FOXP1: variants seen among roughly 807,000 people sequenced by gnomAD.
FOXP1 encodes the protein forkhead box P1, also known as forkhead box protein P1.
Under a neutral mutation model 98.2 loss-of-function variants are expected in FOXP1, and 15 were observed. That is an observed-to-expected ratio of 0.15 (90% CI 0.10 to 0.24). The LOEUF (loss-of-function observed/expected upper bound fraction) is 0.24. Ranked by LOEUF, FOXP1 falls within the 10% of genes least tolerant of loss-of-function variation. The probability of loss-of-function intolerance (pLI) is 1.00; values close to 1 mark genes in which losing one functional copy is unlikely to be tolerated. For missense variants in FOXP1, 633 were observed against 848.5 expected (o/e 0.75, Z 3.15); for synonymous variants, 371 against 314.5 (o/e 1.18, Z -1.90).
At chr3:71,371,606 C>G (rs2079318499) in intron 3 of FOXP1, among the ~76,000 whole-genome samples, 2 of 152,130 alleles carry the variant, frequency 1.3e-5, no homozygotes, top group African/African-American at 4.8e-5. Flanking sequence ...GGCAACACGG[C>G]AAGATTCCAT....
intron 5 of FOXP1, among the ~76,000 whole-genome samples, chr3:71,223,693 CAAAAAAAAAAAA>C (rs34686001): frequency 1.1e-5 from 1 of 90,122 alleles, no homozygotes; most frequent in Non-Finnish European, 2.6e-5. Context: ...GACTACGTCT[CAAAAAAAAAAAA>C]AAAAAAAGAA....
intron 3 of FOXP1, among the ~76,000 whole-genome samples, chr3:71,481,142 T>C (rs2090246206): frequency 6.6e-6 from 1 of 152,196 alleles, no homozygotes; most frequent in Non-Finnish European, 1.5e-5. Flanking sequence ...CCAAATATTT[T>C]GCTTAGGACA....
chr3:71,189,652 C>G (rs1326192879), intron 6 of FOXP1, among the ~76,000 whole-genome samples: 3 of 152,204 alleles, frequency 2.0e-5, no homozygotes, highest in Non-Finnish European at 2.9e-5. Flanking sequence ...CCTGACTCAT[C>G]ATTGGTAACT....
At chr3:71,395,539 A>T (rs1472369172) in intron 3 of FOXP1, among the ~76,000 whole-genome samples, 1 of 151,684 alleles carries the variant, frequency 6.6e-6, no homozygotes, top group Non-Finnish European at 1.5e-5. Flanking sequence ...TACCTCATCT[A>T]AACTGGCCCA....
At chr3:71,242,068 G>A (rs1280322324) in intron 5 of FOXP1, among the ~76,000 whole-genome samples, 1 of 152,166 alleles carries the variant, frequency 6.6e-6, no homozygotes, top group Non-Finnish European at 1.5e-5. Flanking sequence ...CTTATATTTA[G>A]ACACCTTCCC....
Position 70,966,032 on chromosome 3 carries a change from G to A in FOXP1, c.1747C>T (p.Pro583Ser), listed in dbSNP as rs1423437984. The A allele has an allele frequency of 2.5e-6, 4 of 1,613,944 alleles. No individual in the cohort carries two copies. Among genetic ancestry groups the A allele is most frequent in the Non-Finnish European group, 3.4e-6 (4 of 1,179,984 alleles). ...LQASMAENSIPLYTTASMGNP... is the reference protein window; with the variant it reads ...LQASMAENSISLYTTASMGNP... ...CCCATGGAAGCGGTAGTGTATAGAG[G>A]TATACTATTCTCAGCCATTGAAGCC... Residue 583 changes from proline to serine, a missense_variant, in exon 20 of 21, where the codon CCT (proline) becomes TCT (serine). Physicochemically the swap from Pro to Ser is moderately conservative, Grantham distance 74 (BLOSUM62 -1). Coordinates refer to ENST00000649528, the MANE Select transcript of FOXP1 (RefSeq NM_001349338.3).
At chr3:71,583,426 GT>G (rs61675522) in intron 1 of FOXP1, 144 bp downstream of exon 1, 8,990 of 713,846 alleles carry the variant, frequency 0.013, 19 homozygotes, top group Non-Finnish European at 0.014. Context: ...GAAAGTAGTT[GT>G]TTTTTTTTTT....
intron 4 of FOXP1, among the ~76,000 whole-genome samples, chr3:71,357,782 G>A (rs1299372220): frequency 6.6e-6 from 1 of 152,196 alleles, no homozygotes; most frequent in Non-Finnish European, 1.5e-5. Context: ...GAACGCACTT[G>A]AATAAGCAGA....
chr3:71,583,803 C>CCGGTGGCGG, upstream of FOXP1: 1 of 987,126 alleles, frequency 1.0e-6, no homozygotes, highest in Non-Finnish European at 1.2e-6. Context: ...CCAGCCAGCG[C>CCGGTGGCGG]CGGTGGCGGC....
chr3:71,134,686 G>A (rs2107950680), intron 6 of FOXP1, among the ~76,000 whole-genome samples: 1 of 152,256 alleles, frequency 6.6e-6, no homozygotes, highest in East Asian at 1.9e-4. Flanking sequence ...CATACAGCTG[G>A]GAGTATTGTC....
intron 4 of FOXP1, among the ~76,000 whole-genome samples, chr3:71,319,639 A>G (rs4677601): frequency 0.43 from 65,526 of 151,976 alleles, 16,912 homozygotes; most frequent in East Asian, 0.89. Context: ...AACATCCTGC[A>G]GCCCACACCA....
intron 4 of FOXP1, among the ~76,000 whole-genome samples, chr3:71,329,308 G>C (rs1360176559): frequency 6.6e-6 from 1 of 151,520 alleles, no homozygotes; most frequent in East Asian, 1.9e-4. Context: ...TGCAAGCTCC[G>C]CCTCCTGGGT....
chr3:71,498,882 C>T (rs1162044253), intron 2 of FOXP1, among the ~76,000 whole-genome samples: 1 of 152,178 alleles, frequency 6.6e-6, no homozygotes, highest in Non-Finnish European at 1.5e-5. Context: ...ATCCGGGCAC[C>T]ATCCTTTGAG....
At chr3:71,109,511 C>T (rs2057733337) in intron 7 of FOXP1, among the ~76,000 whole-genome samples, 1 of 151,576 alleles carries the variant, frequency 6.6e-6, no homozygotes. Flanking sequence ...CTGAAATTTG[C>T]TAAAATCGGT....
At chr3:71,197,433 C>A (rs1457236065) in intron 6 of FOXP1, among the ~76,000 whole-genome samples, 2 of 152,140 alleles carry the variant, frequency 1.3e-5, no homozygotes, top group African/African-American at 4.8e-5. Flanking sequence ...GACAACAGAA[C>A]ACTATTTCTT....
At position 71,304,292 on chromosome 3, in the gene FOXP1, C is replaced by G. The variant is rs544235210; in HGVS notation, c.-72-4412G>C. ...TCCTGCCTTACAGAAAAGGAAAACC[C>G]TGGCCGTGGTCATGTGAAAATATTT... On this transcript the variant is annotated intron_variant, in intron 4 of 20. Coordinates refer to ENST00000649528, the MANE Select transcript of FOXP1 (RefSeq NM_001349338.3). Among the ~76,000 whole-genome samples, 10 of 152,294 alleles carry G rather than the reference C, an allele frequency of 6.6e-5. No individual in the cohort carries two copies. The East Asian group carries it at 1.9e-3, about 29-fold the overall frequency.
chr3:71,534,734 C>T (rs946341310), intron 2 of FOXP1, among the ~76,000 whole-genome samples: 1 of 152,088 alleles, frequency 6.6e-6, no homozygotes, highest in Non-Finnish European at 1.5e-5. Context: ...CTATGCAGAC[C>T]CTGGAAAACA....
intron 5 of FOXP1, among the ~76,000 whole-genome samples, chr3:71,224,537 T>C (rs2065675481): frequency 6.6e-6 from 1 of 152,116 alleles, no homozygotes; most frequent in Admixed American, 6.6e-5. Context: ...GATGGGAAGC[T>C]GTGATCAAAC....
At chr3:71,126,020 C>G (rs2059143689) in intron 6 of FOXP1, among the ~76,000 whole-genome samples, 1 of 152,120 alleles carries the variant, frequency 6.6e-6, no homozygotes, top group African/African-American at 2.4e-5. Flanking sequence ...GAGCCTCACA[C>G]TCAATAAGTA....
Sources: allele counts gnomAD v4.1 joint callset (sites outside exome capture counted in the v4.1 genomes callset), GRCh38; gene constraint gnomAD v4.1.1; transcripts MANE v1.5; gene names NCBI Gene and HGNC (gene_info 2026-07-23, HGNC 2026-07-21).